CCDC50: variants seen among roughly 807,000 people sequenced by gnomAD.
The protein encoded by CCDC50 is coiled-coil domain containing 50.
In CCDC50, 54 loss-of-function variants were observed where a neutral mutation model predicts 70.2. The ratio of observed to expected loss-of-function variants is 0.77; its 90% CI spans 0.62 to 0.96. The LOEUF (loss-of-function observed/expected upper bound fraction) is 0.96. Ranked by LOEUF, CCDC50 falls within the 50% of genes least tolerant of loss-of-function variation. The pLI is 0.00. For synonymous variants in CCDC50, 216 were observed against 198.8 expected, an observed-to-expected ratio of 1.09 and a Z score of -0.73; for missense variants, 558 against 578.7, an observed-to-expected ratio of 0.96 and a Z score of 0.37.
In CCDC50 at chr3:191,382,747, C is replaced by T; in HGVS notation, c.1244C>T (p.Pro415Leu). Reference protein sequence around the residue: ...DKRKQDPEWKPKTAKAANSKS... With the variant: ...DKRKQDPEWKLKTAKAANSKS... ...GTTTGTTTGTATTTTTGTCCATAGC[C>T]AAAAACAGCTAAAGCAGCAAATTCC... Residue 415 changes from proline to leucine, a missense_variant and splice_region_variant, in exon 10 of 12, where the codon CCA becomes CTA. Physicochemically the swap from Pro to Leu is moderately conservative, Grantham distance 98. Transcript: ENST00000392455. 6.2e-7 allele frequency: 1 copy of T among 1,607,464 alleles called. No homozygotes were observed. Among genetic ancestry groups the T allele is most frequent in the Non-Finnish European group, 8.5e-7 (1 of 1,174,462 alleles).
intron 1 of CCDC50, among the ~76,000 whole-genome samples, chr3:191,333,665 A>G (rs994694611): frequency 1.3e-5 from 2 of 152,188 alleles, no homozygotes; most frequent in African/African-American, 2.4e-5. Flanking sequence ...GCAACTATTC[A>G]GTAAATATTT....
rs1466267046 is a variant in CCDC50, at chr3:191,396,129, A to C, written c.*4369A>C. ...TTAATTGTAGAGAAGTCAAGAAAGA[A>C]AGAGTAAACTGAGAAAATCTTACTA... On this transcript the variant is annotated 3_prime_UTR_variant, in exon 12 of 12. Transcript: ENST00000392455. 1.3e-5 allele frequency: 2 copies of C among 151,590 alleles called. No individual in the cohort carries two copies. The highest frequency in any genetic ancestry group is 2.9e-5 in the Non-Finnish European group (2 of 68,020). 9.4% of individuals were successfully genotyped at this position (151,590 alleles called of 1,614,324 possible). A position where few individuals can be genotyped will look rare whatever the true frequency, so the allele number is the denominator to read the frequency against.
At chr3:191,362,593 A>G (rs965303602) in intron 4 of CCDC50, among the ~76,000 whole-genome samples, 1 of 152,260 alleles carries the variant, frequency 6.6e-6, no homozygotes, top group Non-Finnish European at 1.5e-5. Flanking sequence ...TTAAGCACCC[A>G]GAAACACTTT....
rs1356518145 is a variant in CCDC50 at position 191,392,418 on chromosome 3, TG to T, written c.*660del. The T allele has an allele frequency of 6.6e-6, 1 of 152,222 alleles. No individual in the cohort carries two copies. Among genetic ancestry groups the T allele is most frequent in the East Asian group, 1.9e-4 (1 of 5,198 alleles). The allele number at this position is 152,222 out of a possible 1,614,324, so 9.4% of individuals were successfully genotyped here. On this transcript the variant is annotated 3_prime_UTR_variant, in exon 12 of 12. Transcript: ENST00000392455. Reference sequence around the variant, plus strand: ...AAGGCTTTCCTAAGCTCCTGGGCAATGGAACATTTATTAGTATTTATTGACA... The same window carrying T: ...AAGGCTTTCCTAAGCTCCTGGGCAATGAACATTTATTAGTATTTATTGACA...
intron 1 of CCDC50, among the ~76,000 whole-genome samples, chr3:191,349,025 A>G (rs1330200919): frequency 7.0e-6 from 1 of 142,040 alleles, no homozygotes; most frequent in African/African-American, 2.5e-5. Flanking sequence ...TTGAGTGAGC[A>G]TAAGAGCGTG....
chr3:191,339,703 CTTTTAGT>C (rs760144803), intron 1 of CCDC50, among the ~76,000 whole-genome samples: 5 of 152,264 alleles, frequency 3.3e-5, no homozygotes, highest in Admixed American at 1.3e-4. Context: ...CCAGGAAAAC[CTTTTAGT>C]AAATGTTACA....
Position 191,373,442 on chromosome 3 carries a change from C to G in CCDC50, c.449-1620C>G, listed in dbSNP as rs181255061. Among the ~76,000 whole-genome samples the G allele has an allele frequency of 3.9e-5, 6 of 152,206 alleles. No individual in the cohort carries two copies. In the East Asian group the frequency reaches 1.2e-3, roughly 29 times the overall value. The stretch of plus-strand genomic sequence containing the variant: ...ATTAAAAATCATAATATCACAAATT[C>G]ATGTCAAAACCCAATTCTTTTTGTT... On this transcript the variant is annotated intron_variant, in intron 5 of 11. Transcript: ENST00000392455.
intron 4 of CCDC50, among the ~76,000 whole-genome samples, chr3:191,364,362 C>T (rs532642130): frequency 1.8e-4 from 27 of 150,852 alleles, no homozygotes; most frequent in South Asian, 1.5e-3. Flanking sequence ...CCACCGCGCC[C>T]GGCCTCCTTT....
rs1026703952 is a variant in CCDC50 at position 191,396,422 on chromosome 3, C to T, written c.*4662C>T. The T allele has an allele frequency of 1.3e-5, 2 of 152,074 alleles. No homozygotes were observed. The highest frequency in any genetic ancestry group is 2.9e-5 in the Non-Finnish European group (2 of 68,010). The allele number at this position is 152,074 out of a possible 1,614,324, so 9.4% of individuals were successfully genotyped here. On this transcript the variant is annotated 3_prime_UTR_variant, in exon 12 of 12. Transcript: ENST00000392455. Reference sequence around the variant, plus strand: ...ATAATTTTATTTCATGTTGTCTGTCCACCTCTGAATAAGCAGTGGCATGAC... The same window carrying T: ...ATAATTTTATTTCATGTTGTCTGTCTACCTCTGAATAAGCAGTGGCATGAC...
rs1299602691 is a variant in CCDC50, at chr3:191,397,624, G to A, written c.*5864G>A. ...TTGCTCATATAAATCAAGTTGCCCA[G>A]GAAACCTGAGGTGATGCTATCATTT... On this transcript the variant is annotated 3_prime_UTR_variant, in exon 12 of 12. Coordinates refer to ENST00000392455, the MANE Select transcript of CCDC50 (RefSeq NM_178335.3). 1.3e-5 allele frequency: 2 copies of A among 152,164 alleles called. No individual in the cohort carries two copies. Among genetic ancestry groups the A allele is most frequent in the African/African-American group, 4.8e-5 (2 of 41,430 alleles). 9.4% of individuals were successfully genotyped at this position (152,164 alleles called of 1,614,324 possible).
Position 191,397,943 on chromosome 3 carries a change from A to T in CCDC50, c.*6183A>T, listed in dbSNP as rs927800480. On this transcript the variant is annotated 3_prime_UTR_variant, in exon 12 of 12. Coordinates refer to ENST00000392455, the MANE Select transcript of CCDC50 (RefSeq NM_178335.3). The stretch of plus-strand genomic sequence containing the variant: ...ACATGCCTATCTAGAGATTAAGTGA[A>T]TTTGTGAGGGACATTTTGTGGATGC... 1 of 152,220 alleles carries T rather than the reference A, an allele frequency of 6.6e-6. No homozygotes were observed. The highest frequency in any genetic ancestry group is 6.5e-5 in the Admixed American group (1 of 15,274). 9.4% of individuals were successfully genotyped at this position (152,220 alleles called of 1,614,324 possible). A position where few individuals can be genotyped will look rare whatever the true frequency, so the allele number is the denominator to read the frequency against.
chr3:191,380,058 G>T, intron 6 of CCDC50, 101 bp from the exon 7 acceptor site: 1 of 731,844 alleles, frequency 1.4e-6, no homozygotes, highest in Non-Finnish European at 2.4e-6. Context: ...TATTGTCATT[G>T]TTAGCTACTA....
chr3:191,384,419 T>G (rs911472652), intron 10 of CCDC50, among the ~76,000 whole-genome samples: 3 of 151,728 alleles, frequency 2.0e-5, no homozygotes, highest in Admixed American at 2.0e-4. Flanking sequence ...TAGAATCTGG[T>G]TTTCCTCTTT....
chr3:191,359,293 A>G (rs1712403584), intron 3 of CCDC50, among the ~76,000 whole-genome samples: 2 of 149,662 alleles, frequency 1.3e-5, no homozygotes, highest in Admixed American at 6.7e-5. Context: ...CAGCATGCAT[A>G]AGGGCAGGAG....
intron 6 of CCDC50, among the ~76,000 whole-genome samples, chr3:191,379,010 C>T (rs1713215088): frequency 6.6e-6 from 1 of 152,034 alleles, no homozygotes; most frequent in South Asian, 2.1e-4. Flanking sequence ...TCATCATTTG[C>T]CCAGTGTTTA....
chr3:191,385,051 TTTAA>T (rs1713442070), intron 10 of CCDC50, among the ~76,000 whole-genome samples: 1 of 152,244 alleles, frequency 6.6e-6, no homozygotes. Flanking sequence ...CCACATTTTC[TTTAA>T]TTAACTGTTG....
chr3:191,383,776 T>G (rs1713400274), intron 10 of CCDC50, among the ~76,000 whole-genome samples: 1 of 152,188 alleles, frequency 6.6e-6, no homozygotes, highest in Non-Finnish European at 1.5e-5. Context: ...CTGAGAAGAA[T>G]AGTGGCATAT....
At chr3:191,385,471 T>C (rs960478632) in intron 10 of CCDC50, among the ~76,000 whole-genome samples, 1 of 152,196 alleles carries the variant, frequency 6.6e-6, no homozygotes, top group African/African-American at 2.4e-5. Flanking sequence ...AAGTGTCTGT[T>C]CATATTTTTG....
At chr3:191,330,188 C>G (rs1213651626) in intron 1 of CCDC50, among the ~76,000 whole-genome samples, 2 of 152,094 alleles carry the variant, frequency 1.3e-5, no homozygotes, top group African/African-American at 4.8e-5. Context: ...TTTTCCTAGG[C>G]CGGCGTCTGG....
Sources: allele counts gnomAD v4.1 joint callset (sites outside exome capture counted in the v4.1 genomes callset), GRCh38; gene constraint gnomAD v4.1.1; transcripts MANE v1.5; gene names NCBI Gene and HGNC (gene_info 2026-07-23, HGNC 2026-07-21).